The following SLC25A12 variants were observed in gnomAD, a reference collection of about 807,000 sequenced individuals.
The protein encoded by SLC25A12 is electrogenic aspartate/glutamate antiporter SLC25A12, mitochondrial.
SLC25A12 carries 32 observed loss-of-function variants against 83.3 expected under a neutral mutation model. The observed-to-expected ratio is 0.38, with a 90% CI of 0.29 to 0.52. The LOEUF (loss-of-function observed/expected upper bound fraction) is 0.52. SLC25A12 is among the 20% of genes least tolerant of loss of function. SLC25A12 has a pLI of 0.84. For synonymous variants in SLC25A12, 267 were observed against 291.1 expected (o/e 0.92, Z 0.84); for missense variants, 611 against 835.6 (o/e 0.73, Z 3.31).
chr2:171,832,111 T>C (rs991468132), intron 8 of SLC25A12, among the ~76,000 whole-genome samples: 8 of 152,172 alleles, frequency 5.3e-5, no homozygotes, highest in Admixed American at 1.3e-4. Flanking sequence ...AGGAAACCAT[T>C]CCTAGTTCAA....
chr2:171,800,239 T>A (rs1463614770), intron 13 of SLC25A12, among the ~76,000 whole-genome samples: 1 of 152,156 alleles, frequency 6.6e-6, no homozygotes, highest in Non-Finnish European at 1.5e-5. Flanking sequence ...CAAAGGGCTG[T>A]ATCCATGATG....
At chr2:171,798,460 A>G (rs188613417) in intron 13 of SLC25A12, among the ~76,000 whole-genome samples, 1 of 152,332 alleles carries the variant, frequency 6.6e-6, no homozygotes, top group African/African-American at 2.4e-5. Context: ...TCCAACCACA[A>G]AATATCCAAT....
Position 171,868,967 on chromosome 2 carries a change from G to A in SLC25A12, c.67-144C>T, listed in dbSNP as rs139863952. ...AATGCAGAATTTTTCTCTGGATACCGAAAAATCAAATATTCAGAGCCTGAT... is the reference window on the plus strand; with the variant it reads ...AATGCAGAATTTTTCTCTGGATACCAAAAAATCAAATATTCAGAGCCTGAT... On this transcript the variant is annotated intron_variant, in intron 2 of 17. Transcript: ENST00000422440. 526 of 736,832 alleles carry A rather than the reference G, an allele frequency of 7.1e-4. 1 individual carries two copies. In the African/African-American group the frequency reaches 8.5e-3, roughly 12 times the overall value. The allele number at this position is 736,832 out of a possible 1,614,324, so 45.6% of individuals were successfully genotyped here. A position where few individuals can be genotyped will look rare whatever the true frequency, so the allele number is the denominator to read the frequency against.
chr2:171,814,112 C>T (rs1450126127), intron 10 of SLC25A12, among the ~76,000 whole-genome samples: 1 of 151,942 alleles, frequency 6.6e-6, no homozygotes, highest in Admixed American at 6.6e-5. Flanking sequence ...CACATTTTGA[C>T]TGCTGAAAGC....
intron 9 of SLC25A12, among the ~76,000 whole-genome samples, chr2:171,819,329 A>G (rs1574696153): frequency 8.3e-6 from 1 of 120,354 alleles, no homozygotes; most frequent in Non-Finnish European, 1.7e-5. Flanking sequence ...TACATAATAT[A>G]TAATTATATA....
At chr2:171,801,907 CTGTGTGTG>C (rs3058854) in intron 13 of SLC25A12, among the ~76,000 whole-genome samples, 39,863 of 145,326 alleles carry the variant, frequency 0.27, 5,493 homozygotes, top group African/African-American at 0.33. Context: ...ATATCTGGAT[CTGTGTGTG>C]TGTGTGTGTG....
intron 2 of SLC25A12, among the ~76,000 whole-genome samples, chr2:171,884,905 T>A (rs7573003): frequency 0.3 from 45,103 of 151,934 alleles, 6,870 homozygotes; most frequent in African/African-American, 0.32. Context: ...GCCTGGTACA[T>A]AGTAGGCAAT....
intron 2 of SLC25A12, among the ~76,000 whole-genome samples, chr2:171,875,470 G>GA (rs1685544260): frequency 6.6e-6 from 1 of 152,016 alleles, no homozygotes; most frequent in Non-Finnish European, 1.5e-5. Context: ...ATAAAGACAG[G>GA]AACAATAGAT....
At chr2:171,835,469 ATTGAG>A (rs1684534815) in intron 6 of SLC25A12, among the ~76,000 whole-genome samples, 1 of 152,240 alleles carries the variant, frequency 6.6e-6, no homozygotes, top group Admixed American at 6.5e-5. Context: ...TTTATTCACT[ATTGAG>A]TTATGTCTTC....
At chr2:171,879,517 A>G (rs1274440330) in intron 2 of SLC25A12, among the ~76,000 whole-genome samples, 1 of 152,222 alleles carries the variant, frequency 6.6e-6, no homozygotes. Context: ...AAGATCTACC[A>G]AAACAATTTT....
chr2:171,855,607 G>A (rs1685030589), intron 4 of SLC25A12, among the ~76,000 whole-genome samples: 1 of 152,116 alleles, frequency 6.6e-6, no homozygotes, highest in Middle Eastern at 3.2e-3. Flanking sequence ...TAAAGTGTCA[G>A]TGACTCAATG....
chr2:171,862,333 A>C (rs1685180500), intron 3 of SLC25A12, among the ~76,000 whole-genome samples: 1 of 152,256 alleles, frequency 6.6e-6, no homozygotes, highest in Non-Finnish European at 1.5e-5. Flanking sequence ...TAAATGCATA[A>C]AATCATTTTG....
At chr2:171,825,398 C>G (rs1684279008) in intron 9 of SLC25A12, among the ~76,000 whole-genome samples, 1 of 152,086 alleles carries the variant, frequency 6.6e-6, no homozygotes, top group East Asian at 1.9e-4. Context: ...GAAAGGTTTC[C>G]TAACCAAGTC....
chr2:171,791,057 A>G (rs1169162866), intron 15 of SLC25A12, among the ~76,000 whole-genome samples: 3 of 152,186 alleles, frequency 2.0e-5, no homozygotes, highest in Non-Finnish European at 2.9e-5. Flanking sequence ...AGAGAAAGTA[A>G]GAGCATGCTA....
intron 13 of SLC25A12, among the ~76,000 whole-genome samples, chr2:171,795,195 A>G (rs1222795803): frequency 6.6e-6 from 1 of 152,128 alleles, no homozygotes; most frequent in African/African-American, 2.4e-5. Context: ...AGGGAGGTGC[A>G]GCAATTTGCT....
chr2:171,786,413 G>C (rs1221683711), intron 17 of SLC25A12, among the ~76,000 whole-genome samples: 5 of 149,816 alleles, frequency 3.3e-5, no homozygotes, highest in Admixed American at 3.3e-4. Flanking sequence ...AAGAGAGAGA[G>C]AGAAATAGCT....
chr2:171,804,274 T>TATTC (rs34495966), intron 13 of SLC25A12, among the ~76,000 whole-genome samples: 2 of 152,118 alleles, frequency 1.3e-5, no homozygotes, highest in Non-Finnish European at 2.9e-5. Flanking sequence ...TTTATTTATT[T>TATTC]TGAGACAGAG....
intron 8 of SLC25A12, among the ~76,000 whole-genome samples, chr2:171,828,708 A>C (rs1431782803): frequency 6.6e-6 from 1 of 152,214 alleles, no homozygotes. Flanking sequence ...TCCACATGAC[A>C]AAAGAAATCC....
rs113211388 is a variant in SLC25A12, at chr2:171,819,336, T to C, written c.931-4134A>G. Among the ~76,000 whole-genome samples, 1,166 of 118,736 alleles carry C rather than the reference T, an allele frequency of 9.8e-3. 17 individuals are homozygous for C. Among genetic ancestry groups the C allele is most frequent in the African/African-American group, 0.034 (1,102 of 32,272 alleles). The allele number at this position is 118,736 out of a possible 152,430, so 77.9% of individuals were successfully genotyped here. A position where few individuals can be genotyped will look rare whatever the true frequency, so the allele number is the denominator to read the frequency against. ...ATATATAATACATAATATATAATTA[T>C]ATATATTATTATATATGTATTTATA... On this transcript the variant is annotated intron_variant, in intron 9 of 17. Coordinates refer to ENST00000422440, the MANE Select transcript of SLC25A12 (RefSeq NM_003705.5).
Sources: gnomAD v4.1 joint callset for allele counts (sites outside exome capture counted in the v4.1 genomes callset) on GRCh38, gnomAD v4.1.1 for gene constraint, MANE v1.5 for transcripts, NCBI Gene and HGNC (gene_info 2026-07-23, HGNC 2026-07-21) for gene names.